Variants in CEP126 observed in about 807,000 individuals in gnomAD.
CEP126 encodes the protein centrosomal protein of 126 kDa.
In CEP126, 74 loss-of-function variants were observed where a neutral mutation model predicts 107.8. That is an observed-to-expected ratio of 0.69 (90% CI 0.57 to 0.83). The LOEUF (loss-of-function observed/expected upper bound fraction) is 0.83, where lower values mean the gene tolerates loss of function less well. CEP126 is among the 40% of genes least tolerant of loss of function. The pLI, the probability that CEP126 is intolerant of heterozygous loss-of-function variation, is 0.00. For missense variants in CEP126, 1,237 were observed against 1,281.9 expected, an observed-to-expected ratio of 0.96 and a Z score of 0.53; for synonymous variants, 449 against 446.0, an observed-to-expected ratio of 1.01 and a Z score of -0.08.
intron 2 of CEP126, among the ~76,000 whole-genome samples, chr11:101,928,528 G>C (rs1024409246): frequency 1.3e-5 from 2 of 152,140 alleles, no homozygotes; most frequent in Admixed American, 6.5e-5. Flanking sequence ...TCCAGTTTTA[G>C]TTAATCTTTC....
At chr11:101,949,170 A>G (rs1332023523) in intron 4 of CEP126, among the ~76,000 whole-genome samples, 2 of 152,236 alleles carry the variant, frequency 1.3e-5, no homozygotes, top group African/African-American at 2.4e-5. Flanking sequence ...TAGGAGTAAG[A>G]GTATGTGTAC....
intron 5 of CEP126, 77 bp from the exon 6 acceptor site, chr11:101,961,664 A>G: frequency 1.3e-6 from 1 of 768,068 alleles, no homozygotes; most frequent in Non-Finnish European, 2.1e-6. Context: ...TGGGCTCAGT[A>G]ACAATGGTAT....
intron 6 of CEP126, 21 bp from the exon 7 acceptor site, chr11:101,978,326 T>C: frequency 3.3e-6 from 5 of 1,521,234 alleles, no homozygotes; most frequent in Non-Finnish European, 4.5e-6. Flanking sequence ...ATTTTTAACA[T>C]TGTGCTGGCA....
chr11:101,968,415 G>A (rs947676787), intron 6 of CEP126, among the ~76,000 whole-genome samples: 1 of 151,846 alleles, frequency 6.6e-6, no homozygotes, highest in Non-Finnish European at 1.5e-5. Flanking sequence ...GGAGGTGGAT[G>A]AAGGAAAAAA....
Position 101,967,757 on chromosome 11 carries a change from G to A in CEP126, c.2845+3877G>A, listed in dbSNP as rs1038834767. On this transcript the variant is annotated intron_variant, in intron 6 of 10. Transcript: ENST00000263468. Reference sequence around the variant, plus strand: ...AAACTTATATAAAAATTTAAAATATGTAAAACAATATTATGGCTAATGGAT... The same window carrying A: ...AAACTTATATAAAAATTTAAAATATATAAAACAATATTATGGCTAATGGAT... 1.7e-4 allele frequency among the ~76,000 whole-genome samples: 26 copies of A among 152,160 alleles called. No individual in the cohort carries two copies. The Middle Eastern group carries it at 0.01, about 60-fold the overall frequency.
At chr11:101,917,028 A>ATGTGTGTGTGTG (rs57573389) in intron 1 of CEP126, among the ~76,000 whole-genome samples, 3 of 135,966 alleles carry the variant, frequency 2.2e-5, no homozygotes, top group African/African-American at 5.4e-5. Context: ...AAATCCAACA[A>ATGTGTGTGTGTG]TGTGTGTGTG....
At chr11:101,954,147 C>G (rs1940853081) in intron 4 of CEP126, among the ~76,000 whole-genome samples, 1 of 152,092 alleles carries the variant, frequency 6.6e-6, no homozygotes, top group Non-Finnish European at 1.5e-5. Flanking sequence ...CCTGCCTCAG[C>G]CTCCCAAGTA....
chr11:101,937,099 A>G (rs1412780772), intron 2 of CEP126, among the ~76,000 whole-genome samples: 2 of 152,318 alleles, frequency 1.3e-5, no homozygotes, highest in South Asian at 2.1e-4. Flanking sequence ...CCTTATACAC[A>G]TAGCCTAAAG....
In CEP126 at chr11:101,963,770, C is replaced by T; in HGVS notation, c.2735C>T (p.Pro912Leu). The change falls in exon 6 of 11, where the codon CCT becomes CTT. Residue 912 changes from proline (P) to leucine (L), a missense_variant. Coordinates refer to ENST00000263468, the MANE Select transcript of CEP126 (RefSeq NM_020802.4). ...ACATTATATTGCACCCAAAGAAGTC[C>T]TGTTTGTGAAGAAAGTTATCCGTCT... is the stretch of plus-strand genomic sequence containing the variant. Reference protein sequence around the residue: ...DATLYCTQRSPVCEESYPSVT... With the variant: ...DATLYCTQRSLVCEESYPSVT... 1 of 1,614,066 alleles carries T rather than the reference C, an allele frequency of 6.2e-7. No individual in the cohort carries two copies. The highest frequency in any genetic ancestry group is 8.5e-7 in the Non-Finnish European group (1 of 1,179,986).
rs148975002 is a variant in CEP126, at chr11:101,981,908, T to A, written c.2978T>A (p.Leu993Gln). ...TTGTAGAATTTTGGACAAAGTGTCCTGCTAAGTTCAAGTGAGCCAAAACAA... is the reference window on the plus strand; with the variant it reads ...TTGTAGAATTTTGGACAAAGTGTCCAGCTAAGTTCAAGTGAGCCAAAACAA... ...EQINNFGQSV[L>Q]LSSSEPKQTT... Residue 993 changes from leucine (L) to glutamine (Q), a missense_variant, in exon 8 of 11, where the codon CTG (leucine) becomes CAG (glutamine). Leu to Gln is a moderately radical substitution (Grantham distance 113, BLOSUM62 -2). Transcript: ENST00000263468. The A allele has an allele frequency of 1.1e-5, 18 of 1,588,616 alleles. No individual in the cohort carries two copies. Among genetic ancestry groups the A allele is most frequent in the Non-Finnish European group, 1.5e-5 (17 of 1,164,902 alleles).
chr11:101,980,284 A>C (rs898172043), intron 7 of CEP126, among the ~76,000 whole-genome samples: 5 of 152,176 alleles, frequency 3.3e-5, no homozygotes, highest in African/African-American at 1.2e-4. Context: ...AAAATGCACA[A>C]TGCAAAAACA....
At chr11:101,952,964 T>C (rs1258761993) in intron 4 of CEP126, among the ~76,000 whole-genome samples, 1 of 152,180 alleles carries the variant, frequency 6.6e-6, no homozygotes, top group Non-Finnish European at 1.5e-5. Flanking sequence ...GAGGAATCCT[T>C]ATAGAAGGCC....
chr11:101,929,394 T>G (rs1437199625), intron 2 of CEP126, among the ~76,000 whole-genome samples: 1 of 152,200 alleles, frequency 6.6e-6, no homozygotes. Flanking sequence ...GAAGAAAGGA[T>G]GCAGCCTCAT....
intron 7 of CEP126, among the ~76,000 whole-genome samples, chr11:101,981,067 G>A (rs190194663): frequency 6.6e-6 from 1 of 152,330 alleles, no homozygotes; most frequent in East Asian, 1.9e-4. Context: ...CTCAGAAAGT[G>A]TTAGATGTGT....
intron 1 of CEP126, among the ~76,000 whole-genome samples, chr11:101,919,166 A>G (rs560941359): frequency 5.9e-5 from 9 of 152,312 alleles, no homozygotes; most frequent in African/African-American, 2.2e-4. Flanking sequence ...AGTAAGAAGA[A>G]TTAGAGGAGC....
chr11:101,990,663 T>C (rs1357423100), intron 9 of CEP126, among the ~76,000 whole-genome samples: 1 of 152,014 alleles, frequency 6.6e-6, no homozygotes, highest in Non-Finnish European at 1.5e-5. Context: ...ATTACCGTAC[T>C]TCCCCACCAC....
chr11:101,959,262 T>G lies in CEP126; in HGVS notation c.705+896T>G, dbSNP rs993178418. 5.9e-5 allele frequency among the ~76,000 whole-genome samples: 9 copies of G among 151,750 alleles called. 1 individual carries two copies. The highest frequency in any genetic ancestry group is 1.2e-4 in the Non-Finnish European group (8 of 67,918). On this transcript the variant is annotated intron_variant, in intron 5 of 10. Transcript: ENST00000263468. ...ACCTCCGCCTCCCAGGTTCAAGCAG[T>G]TCTCCTGCCTCACCTCCCGAGTAGC...
chr11:101,934,876 CT>C (rs1223579910), intron 2 of CEP126, among the ~76,000 whole-genome samples: 1 of 151,980 alleles, frequency 6.6e-6, no homozygotes, highest in Non-Finnish European at 1.5e-5. Flanking sequence ...AGTAGGAAAT[CT>C]TTTTGTGGAT....
intron 9 of CEP126, among the ~76,000 whole-genome samples, chr11:101,989,938 C>T (rs981948005): frequency 1.3e-5 from 2 of 151,022 alleles, no homozygotes; most frequent in African/African-American, 2.5e-5. Context: ...CCAGCCTGGG[C>T]GACAGAGTGA....
Sources: allele counts gnomAD v4.1 joint callset (sites outside exome capture counted in the v4.1 genomes callset), GRCh38; gene constraint gnomAD v4.1.1; transcripts MANE v1.5; gene names NCBI Gene and HGNC (gene_info 2026-07-23, HGNC 2026-07-21).